DENND1B: variants seen among roughly 807,000 people sequenced by gnomAD.
DENND1B encodes the protein DENN domain containing 1B, also known as DENN domain-containing protein 1B.
A neutral mutation model predicts 90.1 loss-of-function variants in DENND1B; 59 were observed. The observed-to-expected ratio is 0.65, with a 90% CI of 0.53 to 0.81. DENND1B has a LOEUF of 0.81. Ranked by LOEUF, DENND1B falls within the 40% of genes least tolerant of loss-of-function variation. The probability of loss-of-function intolerance (pLI) is 0.00; values close to 1 mark genes in which losing one functional copy is unlikely to be tolerated. For missense variants in DENND1B, 862 were observed against 912.6 expected, an observed-to-expected ratio of 0.94 and a Z score of 0.71; for synonymous variants, 337 against 324.6, an observed-to-expected ratio of 1.04 and a Z score of -0.41.
At chr1:197,512,024 C>A (rs760835403) in intron 21 of DENND1B, 80 bp from the exon 22 acceptor site, 180 of 1,042,378 alleles carry the variant, frequency 1.7e-4, no homozygotes, top group Middle Eastern at 6.2e-4. Context: ...AGTTACATTA[C>A]ATTAATGAGA....
At chr1:197,736,079 T>C (rs1357512059) in intron 2 of DENND1B, 4 of 820,004 alleles carry the variant, frequency 4.9e-6, no homozygotes, top group Non-Finnish European at 8.2e-6. Flanking sequence ...CCCGTGAAAG[T>C]TTCAGTTCTC....
intron 11 of DENND1B, 95 bp from the exon 12 acceptor site, chr1:197,612,071 T>C (rs1021362549): frequency 6.2e-6 from 6 of 973,610 alleles, no homozygotes; most frequent in Admixed American, 2.2e-5. Context: ...ATTAAATGTA[T>C]TAAATGCTCA....
At chr1:197,555,167 T>C (rs1023483840) in intron 15 of DENND1B, among the ~76,000 whole-genome samples, 1 of 151,970 alleles carries the variant, frequency 6.6e-6, no homozygotes, top group Non-Finnish European at 1.5e-5. Context: ...TCTCAAGATA[T>C]ATTAAAAAAA....
At chr1:197,653,600 T>A (rs1653480597) in intron 6 of DENND1B, among the ~76,000 whole-genome samples, 1 of 152,136 alleles carries the variant, frequency 6.6e-6, no homozygotes, top group Non-Finnish European at 1.5e-5. Context: ...GTTTAATTAA[T>A]GCTATAAACT....
intron 3 of DENND1B, 29 bp downstream of exon 3, chr1:197,715,002 A>T (rs1486748617): frequency 6.4e-7 from 1 of 1,573,930 alleles, no homozygotes; most frequent in Non-Finnish European, 8.7e-7. Context: ...TTCAACTTTA[A>T]ATTTTTTAAA....
intron 2 of DENND1B, among the ~76,000 whole-genome samples, chr1:197,760,984 A>T (rs1360695806): frequency 6.6e-6 from 1 of 152,192 alleles, no homozygotes; most frequent in Admixed American, 6.5e-5. Flanking sequence ...TGTACGTAAC[A>T]GTTCTTAGCT....
intron 20 of DENND1B, among the ~76,000 whole-genome samples, chr1:197,519,489 G>A (rs1668622909): frequency 1.3e-5 from 2 of 151,984 alleles, no homozygotes; most frequent in South Asian, 2.1e-4. Context: ...TGGGCTACAC[G>A]CTAGAGCACA....
At chr1:197,562,249 A>G (rs1571883718) in intron 15 of DENND1B, among the ~76,000 whole-genome samples, 1 of 152,024 alleles carries the variant, frequency 6.6e-6, no homozygotes, top group East Asian at 1.9e-4. Flanking sequence ...AACACTTCCT[A>G]TTATACAATG....
At chr1:197,682,853 A>G (rs1656835082) in intron 3 of DENND1B, among the ~76,000 whole-genome samples, 1 of 152,232 alleles carries the variant, frequency 6.6e-6, no homozygotes, top group Non-Finnish European at 1.5e-5. Flanking sequence ...CAGGGGACTG[A>G]TTATATAAGG....
At chr1:197,765,526 T>A (rs1655599543) in intron 2 of DENND1B, among the ~76,000 whole-genome samples, 1 of 152,184 alleles carries the variant, frequency 6.6e-6, no homozygotes. Flanking sequence ...AAGAATATAT[T>A]ATCTGAGCCT....
intron 2 of DENND1B, among the ~76,000 whole-genome samples, chr1:197,724,435 C>T (rs1230000506): frequency 6.6e-6 from 1 of 151,978 alleles, no homozygotes; most frequent in African/African-American, 2.4e-5. Context: ...AATGCAATAA[C>T]TCTTATTTAT....
At chr1:197,761,013 A>G (rs1222689110) in intron 2 of DENND1B, among the ~76,000 whole-genome samples, 1 of 152,130 alleles carries the variant, frequency 6.6e-6, no homozygotes, top group Non-Finnish European at 1.5e-5. Context: ...CTTCTCTAAC[A>G]TGTCTAAACC....
chr1:197,735,949 G>C, intron 2 of DENND1B: 1 of 1,454,072 alleles, frequency 6.9e-7, no homozygotes, highest in Non-Finnish European at 9.6e-7. Context: ...AAGGCTCAAC[G>C]AGAACAAGGT....
intron 2 of DENND1B, among the ~76,000 whole-genome samples, chr1:197,718,818 C>T (rs1353531680): frequency 2.0e-5 from 3 of 152,026 alleles, no homozygotes; most frequent in African/African-American, 4.8e-5. Flanking sequence ...ACTGAAAAAT[C>T]ATCTAACATA....
chr1:197,594,897 G>C (rs759557290), intron 14 of DENND1B, among the ~76,000 whole-genome samples: 38 of 152,074 alleles, frequency 2.5e-4, no homozygotes, highest in Non-Finnish European at 4.9e-4. Context: ...AACAAGATCA[G>C]GTAAGTGTTT....
At chr1:197,579,680 A>G (rs1395604895) in intron 15 of DENND1B, among the ~76,000 whole-genome samples, 1 of 152,168 alleles carries the variant, frequency 6.6e-6, no homozygotes, top group African/African-American at 2.4e-5. Flanking sequence ...TCTACCCTCT[A>G]TGTCTATCAA....
In DENND1B at chr1:197,510,183, A is replaced by G. The variant is rs555542969; in HGVS notation, c.*277T>C. ...TATGCATTCTTAGCTTAAATAAAAT[A>G]AACGGCATTAAGCACCAAACACTGG... On this transcript the variant is annotated 3_prime_UTR_variant, in exon 23 of 23. Transcript: ENST00000620048. 2.6e-6 allele frequency: 1 copy of G among 380,560 alleles called. No individual in the cohort carries two copies. Among genetic ancestry groups the G allele is most frequent in the African/African-American group, 2.1e-5 (1 of 47,728 alleles). 23.6% of individuals were successfully genotyped at this position (380,560 alleles called of 1,614,324 possible).
chr1:197,674,059 A>G, intron 4 of DENND1B, 61 bp downstream of exon 4: 1 of 1,165,656 alleles, frequency 8.6e-7, no homozygotes, highest in Non-Finnish European at 1.2e-6. Context: ...AGCACATGTA[A>G]TCATTTTCAA....
At chr1:197,698,819 G>A (rs1185232189) in intron 3 of DENND1B, among the ~76,000 whole-genome samples, 1 of 152,012 alleles carries the variant, frequency 6.6e-6, no homozygotes, top group Non-Finnish European at 1.5e-5. Context: ...AGAAGAAATG[G>A]ATAAATTCCT....
Sources: allele counts gnomAD v4.1 joint callset (sites outside exome capture counted in the v4.1 genomes callset), GRCh38; gene constraint gnomAD v4.1.1; transcripts MANE v1.5; gene names NCBI Gene and HGNC (gene_info 2026-07-23, HGNC 2026-07-21).